The following RFX3 variants were observed in gnomAD, a reference collection of about 807,000 sequenced individuals.
RFX3 encodes regulatory factor X3.
RFX3 carries 14 observed loss-of-function variants against 98.6 expected under a neutral mutation model. The observed-to-expected ratio is 0.14, with a 90% CI of 0.09 to 0.22. The LOEUF is 0.22. RFX3 is among the 10% of genes least tolerant of loss of function. The pLI is 1.00. For missense variants in RFX3, 639 were observed against 926.9 expected (o/e 0.69, Z 4.03); for synonymous variants, 383 against 328.4 (o/e 1.17, Z -1.80).
Position 3,239,573 on chromosome 9 carries a change from T to C in RFX3, c.1968+8459A>G, listed in dbSNP as rs1477662283. Among the ~76,000 whole-genome samples the C allele has an allele frequency of 2.0e-5, 3 of 152,342 alleles. No individual in the cohort carries two copies. The East Asian group carries it at 5.8e-4, about 29-fold the overall frequency. ...ACAGGTGTACCTAATTGTGTTTAAA[T>C]GTCTAAGACACACTTACAAGTGAGT... On this transcript the variant is annotated intron_variant, in intron 15 of 16. Coordinates refer to ENST00000617270, the MANE Select transcript of RFX3 (RefSeq NM_001282116.2).
At chr9:3,334,654 T>C (rs999517715) in intron 3 of RFX3, among the ~76,000 whole-genome samples, 1 of 152,116 alleles carries the variant, frequency 6.6e-6, no homozygotes, top group Non-Finnish European at 1.5e-5. Context: ...GGCTACTCTA[T>C]AAACACACAC....
At chr9:3,245,000 T>A (rs1586717160) in intron 15 of RFX3, among the ~76,000 whole-genome samples, 1 of 152,216 alleles carries the variant, frequency 6.6e-6, no homozygotes, top group Non-Finnish European at 1.5e-5. Flanking sequence ...CAAGTCAACA[T>A]GATTTGCCCA....
At chr9:3,523,702 G>A (rs1818946294) in intron 1 of RFX3, among the ~76,000 whole-genome samples, 1 of 152,104 alleles carries the variant, frequency 6.6e-6, no homozygotes, top group Admixed American at 6.5e-5. Context: ...TAACTTCAGA[G>A]AGAGTTTATA....
intron 3 of RFX3, among the ~76,000 whole-genome samples, chr9:3,341,708 T>C (rs3012714): frequency 0.094 from 14,279 of 152,244 alleles, 1,949 homozygotes; most frequent in African/African-American, 0.3. Context: ...TGCCCTTCCA[T>C]GGTCTTTTCC....
intron 1 of RFX3, among the ~76,000 whole-genome samples, chr9:3,431,329 C>G (rs1844638190): frequency 1.3e-5 from 2 of 152,226 alleles, no homozygotes; most frequent in South Asian, 4.1e-4. Flanking sequence ...TCCCAAGAAG[C>G]TGAGAAAAGT....
At chr9:3,363,676 C>G (rs1587322851) in intron 2 of RFX3, among the ~76,000 whole-genome samples, 1 of 152,216 alleles carries the variant, frequency 6.6e-6, no homozygotes, top group African/African-American at 2.4e-5. Flanking sequence ...ATTTTTATCT[C>G]CATTTTATAA....
At chr9:3,326,288 T>C (rs938121175) in intron 4 of RFX3, among the ~76,000 whole-genome samples, 1 of 152,138 alleles carries the variant, frequency 6.6e-6, no homozygotes, top group South Asian at 2.1e-4. Context: ...ATATTCATCA[T>C]ATAAAATTTA....
At chr9:3,432,162 G>T (rs1844711946) in intron 1 of RFX3, among the ~76,000 whole-genome samples, 1 of 152,120 alleles carries the variant, frequency 6.6e-6, no homozygotes, top group African/African-American at 2.4e-5. Context: ...CTGAAGTCAA[G>T]AAGTACCTTG....
intron 3 of RFX3, among the ~76,000 whole-genome samples, chr9:3,333,548 G>C (rs1832835438): frequency 7.2e-6 from 1 of 139,008 alleles, no homozygotes; most frequent in South Asian, 2.3e-4. Flanking sequence ...TTATTTATAT[G>C]TTTATTTAAT....
chr9:3,500,459 T>A (rs1189282113), intron 1 of RFX3, among the ~76,000 whole-genome samples: 1 of 152,140 alleles, frequency 6.6e-6, no homozygotes, highest in Non-Finnish European at 1.5e-5. Context: ...CCTTGCTTCA[T>A]CCTTCTTAAA....
chr9:3,272,310 CA>C (rs1358386119), intron 9 of RFX3, among the ~76,000 whole-genome samples: 1 of 152,108 alleles, frequency 6.6e-6, no homozygotes, highest in Non-Finnish European at 1.5e-5. Context: ...TAAAAGAAAT[CA>C]GGGGACAATC....
At chr9:3,498,967 T>A (rs930627901) in intron 1 of RFX3, among the ~76,000 whole-genome samples, 2 of 152,064 alleles carry the variant, frequency 1.3e-5, no homozygotes, top group Admixed American at 1.3e-4. Flanking sequence ...GCTTAATACT[T>A]TTCAGGAGTG....
At chr9:3,383,524 G>C (rs1587434203) in intron 2 of RFX3, among the ~76,000 whole-genome samples, 1 of 151,584 alleles carries the variant, frequency 6.6e-6, no homozygotes. Flanking sequence ...GAAGTCAGAT[G>C]ACTTGAGAAT....
intron 2 of RFX3, among the ~76,000 whole-genome samples, chr9:3,384,870 G>A (rs1273900420): frequency 6.6e-6 from 1 of 152,024 alleles, no homozygotes; most frequent in East Asian, 1.9e-4. Context: ...CTCGTGCCAG[G>A]TCTTCATACA....
At chr9:3,300,715 T>C (rs543027349) in intron 5 of RFX3, among the ~76,000 whole-genome samples, 40 of 152,044 alleles carry the variant, frequency 2.6e-4, no homozygotes, top group East Asian at 5.8e-4. Context: ...GCAGAAGATA[T>C]ATCTAAAATG....
In RFX3 at chr9:3,370,415, T is replaced by C. The variant is rs541071520; in HGVS notation, c.118-23651A>G. Among the ~76,000 whole-genome samples the C allele has an allele frequency of 1.9e-4, 29 of 151,968 alleles. No individual in the cohort carries two copies. The South Asian group carries it at 6.0e-3, about 32-fold the overall frequency. ...CCTACTCTGTGGTTCAAAACAGTCT[T>C]CAATAAATTTACAACTCTATCCTTT... is the stretch of plus-strand genomic sequence containing the variant. On this transcript the variant is annotated intron_variant, in intron 2 of 16. Coordinates refer to ENST00000617270, the MANE Select transcript of RFX3 (RefSeq NM_001282116.2).
intron 2 of RFX3, among the ~76,000 whole-genome samples, chr9:3,393,720 T>C (rs1171622570): frequency 6.6e-6 from 1 of 152,054 alleles, no homozygotes; most frequent in African/African-American, 2.4e-5. Context: ...TTTTTAATGG[T>C]TAAAAAATAT....
intron 1 of RFX3, among the ~76,000 whole-genome samples, chr9:3,452,954 C>T (rs1846800146): frequency 2.0e-5 from 3 of 152,104 alleles, no homozygotes; most frequent in South Asian, 4.1e-4. Context: ...CTCAAAATAC[C>T]ATAGCAGTCT....
At chr9:3,497,135 T>C (rs1851169450) in intron 1 of RFX3, among the ~76,000 whole-genome samples, 1 of 152,058 alleles carries the variant, frequency 6.6e-6, no homozygotes, top group Admixed American at 6.6e-5. Context: ...CCTCGTGATG[T>C]GAAATATAGT....
Sources: gnomAD v4.1 joint callset for allele counts (sites outside exome capture counted in the v4.1 genomes callset) on GRCh38, gnomAD v4.1.1 for gene constraint, MANE v1.5 for transcripts, NCBI Gene and HGNC (gene_info 2026-07-23, HGNC 2026-07-21) for gene names.